GTF3C2: variants seen among roughly 807,000 people sequenced by gnomAD.
GTF3C2 encodes the protein general transcription factor 3C polypeptide 2.
Under a neutral mutation model 117.4 loss-of-function variants are expected in GTF3C2, and 17 were observed. The ratio of observed to expected loss-of-function variants is 0.14; its 90% CI spans 0.10 to 0.22. The LOEUF (loss-of-function observed/expected upper bound fraction) is 0.22. Ranked by LOEUF, GTF3C2 falls within the 10% of genes least tolerant of loss-of-function variation. The pLI, the probability that GTF3C2 is intolerant of heterozygous loss-of-function variation, is 1.00. For missense variants in GTF3C2, 888 were observed against 1,143.6 expected, an observed-to-expected ratio of 0.78 and a Z score of 3.22; for synonymous variants, 437 against 427.0, an observed-to-expected ratio of 1.02 and a Z score of -0.29.
exon 8 of GTF3C2, chr2:27,336,402 G>A: frequency 2.5e-6 from 4 of 1,606,658 alleles, no homozygotes; most frequent in Non-Finnish European, 3.4e-6. Context: ...CCAGCGCTCT[G>A]GATGTGCTGT....
At chr2:27,337,115 T>G (rs1304338741) in intron 7 of GTF3C2, 129 bp downstream of exon 7, 1 of 643,536 alleles carries the variant, frequency 1.6e-6, no homozygotes, top group Non-Finnish European at 2.8e-6. Flanking sequence ...TAGTCAGCAC[T>G]CTTATTCTTG....
intron 1 of GTF3C2, among the ~76,000 whole-genome samples, chr2:27,344,518 AAG>A (rs915759157): frequency 1.2e-4 from 19 of 152,270 alleles, no homozygotes; most frequent in African/African-American, 4.1e-4. Context: ...TCCAAAAAAG[AAG>A]AGAGAGAAAA....
chr2:27,338,446 GCACGCGCACGCGCGCACA>G (rs71818442), intron 4 of GTF3C2, among the ~76,000 whole-genome samples: 55,132 of 145,304 alleles, frequency 0.38, 10,382 homozygotes, highest in Admixed American at 0.43. Context: ...ACACAGGCGC[GCACGCGCACGCGCGCACA>G]CACACACACA....
intron 1 of GTF3C2, among the ~76,000 whole-genome samples, chr2:27,346,649 A>G (rs182590472): frequency 1.3e-5 from 2 of 152,196 alleles, no homozygotes; most frequent in East Asian, 3.9e-4. Context: ...CTGGGATTAC[A>G]GGCATAAACC....
intron 1 of GTF3C2, among the ~76,000 whole-genome samples, chr2:27,349,248 C>T (rs1361397929): frequency 2.7e-5 from 4 of 149,484 alleles, no homozygotes; most frequent in East Asian, 2.0e-4. Context: ...CCCGGGTTCA[C>T]GCCATTCTCC....
At chr2:27,341,640 G>T (rs909465766) in intron 4 of GTF3C2, 2 of 273,742 alleles carry the variant, frequency 7.3e-6, no homozygotes, top group Admixed American at 9.4e-5. Context: ...AAATCATTTT[G>T]TTCACTCCTG....
rs139497868 is a variant in GTF3C2, at chr2:27,330,721, G to A, written c.1733-1198C>T. 3.9e-5 allele frequency among the ~76,000 whole-genome samples: 6 copies of A among 152,256 alleles called. No homozygotes were observed. The East Asian group carries it at 1.2e-3, about 29-fold the overall frequency. The stretch of plus-strand genomic sequence containing the variant: ...CATGCCTGTAATCTCAGCACTTTAG[G>A]AGGCCAGGGTGGACATATCACCTGA... On this transcript the variant is annotated intron_variant, in intron 12 of 18. Transcript: ENST00000264720.
chr2:27,337,867 G>A (rs1558617162), intron 5 of GTF3C2, 59 bp downstream of exon 5: 5 of 964,486 alleles, frequency 5.2e-6, no homozygotes, highest in African/African-American at 3.2e-5. Flanking sequence ...CTTCAATACC[G>A]CCCTTGCACT....
At chr2:27,349,291 G>T (rs948006259) in intron 1 of GTF3C2, among the ~76,000 whole-genome samples, 2 of 151,672 alleles carry the variant, frequency 1.3e-5, no homozygotes, top group Non-Finnish European at 2.9e-5. Context: ...GGGACTACAG[G>T]CGCCCGCCAT....
chr2:27,335,881 A>G (rs1434238650), intron 9 of GTF3C2, 36 bp downstream of exon 9: 1 of 1,386,284 alleles, frequency 7.2e-7, no homozygotes, highest in Non-Finnish European at 1.0e-6. Flanking sequence ...CCTGGCTTTG[A>G]GTCCTAGGGC....
chr2:27,338,212 T>C, intron 4 of GTF3C2, 192 bp from the exon 5 acceptor site: 2 of 577,454 alleles, frequency 3.5e-6, no homozygotes, highest in South Asian at 4.0e-5. Context: ...TACTCCTCCA[T>C]CGAAAATGCA....
chr2:27,353,593 C>G (rs899408274), intron 1 of GTF3C2, among the ~76,000 whole-genome samples: 2 of 152,022 alleles, frequency 1.3e-5, no homozygotes, highest in African/African-American at 4.8e-5. Context: ...CATGTGCCAC[C>G]ATGCCCAGCT....
chr2:27,328,111 G>A (rs777185872), exon 17 of GTF3C2: 1 of 1,610,060 alleles, frequency 6.2e-7, no homozygotes. Flanking sequence ...GGAGGGTTGG[G>A]GACCCCAGAT....
At chr2:27,336,131 A>G in intron 8 of GTF3C2, 67 bp downstream of exon 8, 3 of 1,428,432 alleles carry the variant, frequency 2.1e-6, no homozygotes, top group East Asian at 2.3e-5. Context: ...CCTTCCCCCT[A>G]TCCTGTCCAG....
intron 1 of GTF3C2, among the ~76,000 whole-genome samples, chr2:27,344,103 C>T (rs1286172136): frequency 6.6e-6 from 1 of 151,324 alleles, no homozygotes; most frequent in Non-Finnish European, 1.5e-5. Flanking sequence ...CAGCTCACTA[C>T]AACCTCCACC....
chr2:27,346,590 C>T (rs1680924931), intron 1 of GTF3C2, among the ~76,000 whole-genome samples: 1 of 151,878 alleles, frequency 6.6e-6, no homozygotes. Flanking sequence ...TGATTACATA[C>T]TCAAACTCCT....
intron 15 of GTF3C2, 33 bp from the exon 16 acceptor site, chr2:27,328,629 A>G (rs1163091142): frequency 2.5e-6 from 4 of 1,582,900 alleles, no homozygotes; most frequent in Non-Finnish European, 2.6e-6. Context: ...ATTCATTCAT[A>G]TATTCATTCA....
intron 1 of GTF3C2, among the ~76,000 whole-genome samples, chr2:27,348,191 C>G (rs559112314): frequency 6.6e-6 from 1 of 151,074 alleles, no homozygotes; most frequent in African/African-American, 2.4e-5. Flanking sequence ...TGCTTGAACC[C>G]GGGAGGCAGA....
intron 12 of GTF3C2, among the ~76,000 whole-genome samples, chr2:27,330,944 A>G (rs940610444): frequency 1.3e-5 from 2 of 152,278 alleles, no homozygotes; most frequent in South Asian, 4.1e-4. Context: ...CCTGGACCCC[A>G]CAGACCCTGT....
Sources: allele counts gnomAD v4.1 joint callset (sites outside exome capture counted in the v4.1 genomes callset), GRCh38; gene constraint gnomAD v4.1.1; transcripts MANE v1.5; gene names NCBI Gene and HGNC (gene_info 2026-07-23, HGNC 2026-07-21).